Variants in CNTN6 observed in about 807,000 individuals in gnomAD.
CNTN6 encodes the protein contactin-6.
In CNTN6, 137 loss-of-function variants were observed where a neutral mutation model predicts 122.8. That is an observed-to-expected ratio of 1.12 (90% CI 0.97 to 1.29). The LOEUF is 1.29. CNTN6 is among the 50% of genes most tolerant of loss of function. The pLI is 0.00. For missense variants in CNTN6, 1,634 were observed against 1,223.4 expected (o/e 1.34, Z -5.01); for synonymous variants, 570 against 426.0 (o/e 1.34, Z -4.16).
intron 1 of CNTN6, among the ~76,000 whole-genome samples, chr3:1,112,455 C>T (rs982766017): frequency 6.6e-6 from 1 of 152,086 alleles, no homozygotes; most frequent in Admixed American, 6.6e-5. Flanking sequence ...AAGCCAAAAA[C>T]CTGAGAACCT....
intron 1 of CNTN6, among the ~76,000 whole-genome samples, chr3:1,114,836 T>A (rs2125034744): frequency 6.6e-6 from 1 of 152,110 alleles, no homozygotes; most frequent in South Asian, 2.1e-4. Flanking sequence ...GAGAAAAAAG[T>A]CACACTAAAG....
At chr3:1,266,629 A>G (rs1325517536) in intron 4 of CNTN6, among the ~76,000 whole-genome samples, 1 of 152,206 alleles carries the variant, frequency 6.6e-6, no homozygotes, top group Admixed American at 6.5e-5. Flanking sequence ...AACCATCACA[A>G]TGAATAAAAG....
chr3:1,106,925 G>C (rs1007951235), intron 1 of CNTN6, among the ~76,000 whole-genome samples: 1 of 152,054 alleles, frequency 6.6e-6, no homozygotes, highest in Non-Finnish European at 1.5e-5. Flanking sequence ...TCAAATATTA[G>C]TTGGGGCTCT....
intron 4 of CNTN6, among the ~76,000 whole-genome samples, chr3:1,234,304 G>T (rs1375409843): frequency 6.6e-6 from 1 of 152,130 alleles, no homozygotes; most frequent in African/African-American, 2.4e-5. Flanking sequence ...TAACATAAAG[G>T]TCTTTGACTC....
At chr3:1,263,546 C>A (rs2094881574) in intron 4 of CNTN6, among the ~76,000 whole-genome samples, 1 of 152,088 alleles carries the variant, frequency 6.6e-6, no homozygotes, top group East Asian at 1.9e-4. Flanking sequence ...TCGATCCTAG[C>A]CTCTTCTCTA....
Position 1,164,637 on chromosome 3 carries a change from G to A in CNTN6, c.55+16574G>A, listed in dbSNP as rs560030447. On this transcript the variant is annotated intron_variant, in intron 2 of 22. Transcript: ENST00000446702. ...TCATGTAGAATGTGATTAGGATACT[G>A]AAGAAATTCTTGACATATATTAGGA... Among the ~76,000 whole-genome samples, 49 of 152,304 alleles carry A rather than the reference G, an allele frequency of 3.2e-4. No homozygotes were observed. In the South Asian group the frequency reaches 9.9e-3, roughly 31 times the overall value.
At chr3:1,380,223 C>T (rs114468865) in intron 17 of CNTN6, among the ~76,000 whole-genome samples, 236 of 152,262 alleles carry the variant, frequency 1.5e-3, no homozygotes, top group African/African-American at 1.3e-3. Context: ...TCTGCCATTA[C>T]GTTTCATAAG....
At chr3:1,093,923 A>G (rs550419602) in intron 1 of CNTN6, among the ~76,000 whole-genome samples, 4 of 152,278 alleles carry the variant, frequency 2.6e-5, no homozygotes, top group South Asian at 2.1e-4. Context: ...TGCTTCTCCA[A>G]ATGAAAACTA....
At chr3:1,274,960 C>A (rs552025985) in intron 4 of CNTN6, among the ~76,000 whole-genome samples, 4 of 152,076 alleles carry the variant, frequency 2.6e-5, no homozygotes, top group Middle Eastern at 3.4e-3. Flanking sequence ...CCACCCAACG[C>A]CCCCACCCAA....
rs1339189327 is a variant in CNTN6, at chr3:1,403,806, A to G, written c.*388A>G. On this transcript the variant is annotated 3_prime_UTR_variant, in exon 23 of 23. Coordinates refer to ENST00000446702, the MANE Select transcript of CNTN6 (RefSeq NM_001289080.2). ...ATTCCAGACAATCACTTCAGTATTT[A>G]AAATTTCCACCCTACTTCAAAATAA... 6.5e-6 allele frequency: 1 copy of G among 153,766 alleles called. No homozygotes were observed. Among genetic ancestry groups the G allele is most frequent in the East Asian group, 1.9e-4 (1 of 5,256 alleles). The allele number at this position is 153,766 out of a possible 1,614,324, so 9.5% of individuals were successfully genotyped here. A position where few individuals can be genotyped will look rare whatever the true frequency, so the allele number is the denominator to read the frequency against.
intron 5 of CNTN6, among the ~76,000 whole-genome samples, chr3:1,290,513 A>G (rs17037203): frequency 0.068 from 10,400 of 152,234 alleles, 449 homozygotes; most frequent in Middle Eastern, 0.11. Flanking sequence ...GTAGAAAGCT[A>G]TTGTTATGGG....
intron 4 of CNTN6, among the ~76,000 whole-genome samples, chr3:1,233,539 G>T (rs866756360): frequency 2.4e-4 from 36 of 151,982 alleles, no homozygotes; most frequent in Non-Finnish European, 3.5e-4. Context: ...TTTGAGACCA[G>T]CCTGGCCAAC....
At chr3:1,357,201 T>C (rs1314924556) in intron 12 of CNTN6, among the ~76,000 whole-genome samples, 1 of 151,868 alleles carries the variant, frequency 6.6e-6, no homozygotes, top group African/African-American at 2.4e-5. Flanking sequence ...TTGGTCAAAG[T>C]TTTGTTTAAT....
At chr3:1,352,062 A>G (rs542061218) in intron 11 of CNTN6, among the ~76,000 whole-genome samples, 65 of 152,030 alleles carry the variant, frequency 4.3e-4, no homozygotes, top group African/African-American at 1.5e-3. Flanking sequence ...TTTATTTTTA[A>G]TATGCTTTGA....
intron 2 of CNTN6, among the ~76,000 whole-genome samples, chr3:1,198,872 A>G (rs1406718959): frequency 6.6e-6 from 1 of 152,194 alleles, no homozygotes; most frequent in African/African-American, 2.4e-5. Context: ...AATTTGTTAA[A>G]AATCTTGTAA....
intron 2 of CNTN6, among the ~76,000 whole-genome samples, chr3:1,154,448 C>CTTTTTTTTTTTTTTTTTTTT (rs771133835): frequency 3.6e-5 from 5 of 140,472 alleles, no homozygotes; most frequent in Non-Finnish European, 6.1e-5. Flanking sequence ...TCTTTTCTTT[C>CTTTTTTTTTTTTTTTTTTTT]TTTTTTTTTT....
chr3:1,259,264 A>T (rs9310403), intron 4 of CNTN6, among the ~76,000 whole-genome samples: 23,540 of 152,114 alleles, frequency 0.15, 2,370 homozygotes, highest in African/African-American at 0.29. Context: ...AGAAGACAGA[A>T]CAAGTAATTT....
At chr3:1,339,297 C>T (rs530257912) in intron 11 of CNTN6, among the ~76,000 whole-genome samples, 60 of 152,228 alleles carry the variant, frequency 3.9e-4, no homozygotes, top group African/African-American at 1.4e-3. Flanking sequence ...CCTAGCTCTC[C>T]AAGGAGCATA....
chr3:1,319,639 A>T (rs265799), intron 7 of CNTN6, among the ~76,000 whole-genome samples: 1 of 151,234 alleles, frequency 6.6e-6, no homozygotes, highest in South Asian at 2.1e-4. Flanking sequence ...AGCCTTTTCA[A>T]TTGGATACTT....
Sources: allele counts gnomAD v4.1 joint callset (sites outside exome capture counted in the v4.1 genomes callset), GRCh38; gene constraint gnomAD v4.1.1; transcripts MANE v1.5; gene names NCBI Gene and HGNC (gene_info 2026-07-23, HGNC 2026-07-21).